Variants in NUP205 observed in about 807,000 individuals in gnomAD.
NUP205 encodes the protein nuclear pore complex protein Nup205.
In NUP205, 76 loss-of-function variants were observed where a neutral mutation model predicts 253.8. The ratio of observed to expected loss-of-function variants is 0.30; its 90% CI spans 0.25 to 0.36. The LOEUF is 0.36. Ranked by LOEUF, NUP205 falls within the 10% of genes least tolerant of loss-of-function variation. The pLI is 1.00. For missense variants in NUP205, 2,162 were observed against 2,425.5 expected (o/e 0.89, Z 2.28); for synonymous variants, 832 against 850.1 (o/e 0.98, Z 0.37).
intron 7 of NUP205, among the ~76,000 whole-genome samples, chr7:135,580,650 A>T (rs1376049738): frequency 2.6e-5 from 4 of 152,138 alleles, no homozygotes; most frequent in Admixed American, 6.5e-5. Context: ...TTTAGTAGAG[A>T]CAGGGTTTCA....
chr7:135,567,835 C>A (rs1441575889), intron 1 of NUP205, among the ~76,000 whole-genome samples: 3 of 152,068 alleles, frequency 2.0e-5, no homozygotes, highest in African/African-American at 7.2e-5. Context: ...CCAGTTTTTC[C>A]TTCAGAGTCT....
chr7:135,648,425 G>C lies in NUP205; in HGVS notation c.5908G>C (p.Ala1970Pro). 6.3e-7 allele frequency: 1 copy of C among 1,592,662 alleles called. No individual in the cohort carries two copies. Among genetic ancestry groups the C allele is most frequent in the South Asian group, 1.2e-5 (1 of 86,850 alleles). Reference protein sequence around the residue: ...LDQLQADAINAFGESLQKKLL... With the variant: ...LDQLQADAINPFGESLQKKLL... ...CTAGCTTCAGGCTGATGCAATCAAC[G>C]CTTTTGGAGAATCACTACAAAAGAA... The change falls in exon 43 of 43, where the codon GCT becomes CCT. Residue 1970 changes from alanine to proline, a missense_variant. By Grantham distance (27) the Ala-to-Pro change is conservative. This residue lies in a region of NUP205 where 1,144 missense variants were observed against 1,280.9 expected (regional missense o/e 0.89). Coordinates refer to ENST00000285968, the MANE Select transcript of NUP205 (RefSeq NM_015135.3).
intron 1 of NUP205, among the ~76,000 whole-genome samples, chr7:135,567,128 GTATA>G (rs1163648935): frequency 1.7e-3 from 12 of 7,242 alleles, no homozygotes; most frequent in African/African-American, 5.9e-3. Context: ...GTCTATGTGT[GTATA>G]TATATATATA....
rs1793889796 is a variant in NUP205, at chr7:135,598,213, G to A, written c.2274+6G>A. On this transcript the variant is annotated splice_donor_region_variant and intron_variant, in intron 15 of 42. Transcript: ENST00000285968. Reference sequence around the variant, plus strand: ...ACCGGAGAGCAGCTGAAAAGGTTATGTTCAGAGAAAAGCTTTTTTCTCCTT... The same window carrying A: ...ACCGGAGAGCAGCTGAAAAGGTTATATTCAGAGAAAAGCTTTTTTCTCCTT... 2 of 1,611,936 alleles carry A rather than the reference G, an allele frequency of 1.2e-6. No homozygotes were observed. The highest frequency in any genetic ancestry group is 2.7e-5 in the African/African-American group (2 of 74,724).
chr7:135,593,647 A>G (rs948200844), intron 12 of NUP205, among the ~76,000 whole-genome samples: 3 of 152,196 alleles, frequency 2.0e-5, no homozygotes, highest in Admixed American at 2.0e-4. Flanking sequence ...ATGACTGTAT[A>G]TAATTTCCCA....
Position 135,607,149 on chromosome 7 carries a change from A to G in NUP205, c.3071-98A>G, listed in dbSNP as rs142549673. 2.6e-4 allele frequency: 366 copies of G among 1,424,788 alleles called. 1 individual carries two copies. In the African/African-American group the frequency reaches 4.4e-3, roughly 17 times the overall value. The allele number at this position is 1,424,788 out of a possible 1,614,324, so 88.3% of individuals were successfully genotyped here. A position where few individuals can be genotyped will look rare whatever the true frequency, so the allele number is the denominator to read the frequency against. Reference sequence around the variant, plus strand: ...GTATTTGAAAGAGTGTTTACAGTACAGCATATATTTAAAGAATTTAACTTT... The same window carrying G: ...GTATTTGAAAGAGTGTTTACAGTACGGCATATATTTAAAGAATTTAACTTT... On this transcript the variant is annotated intron_variant, in intron 21 of 42. Transcript: ENST00000285968.
chr7:135,571,078 G>T (rs115498909), intron 1 of NUP205, 27 bp from the exon 2 acceptor site: 2 of 1,522,406 alleles, frequency 1.3e-6, no homozygotes, highest in South Asian at 1.3e-5. Flanking sequence ...TTTCTTTGAC[G>T]GTGGTTTCAT....
At chr7:135,559,801 C>T (rs1012894826) in intron 1 of NUP205, among the ~76,000 whole-genome samples, 1 of 151,996 alleles carries the variant, frequency 6.6e-6, no homozygotes, top group African/African-American at 2.4e-5. Context: ...GAGCAACTCT[C>T]CTGCCTCAGC....
chr7:135,645,449 A>T lies in NUP205; in HGVS notation c.5684-19A>T. ...ATATTTGATGAGATTATGTTCCTTT[A>T]ATCTGAGCTCTGGTATAGTTATCAT... is the stretch of plus-strand genomic sequence containing the variant. On this transcript the variant is annotated intron_variant, in intron 40 of 42. Coordinates refer to ENST00000285968, the MANE Select transcript of NUP205 (RefSeq NM_015135.3). 6.2e-7 allele frequency: 1 copy of T among 1,607,944 alleles called. No individual in the cohort carries two copies. Among genetic ancestry groups the T allele is most frequent in the Admixed American group, 1.7e-5 (1 of 57,958 alleles).
chr7:135,584,743 T>G, intron 7 of NUP205, 89 bp from the exon 8 acceptor site: 1 of 1,157,678 alleles, frequency 8.6e-7, no homozygotes, highest in Non-Finnish European at 1.3e-6. Context: ...GGAAGATGTC[T>G]GAACCATCAG....
In NUP205 at chr7:135,598,118, C is replaced by T. The variant is rs769928231; in HGVS notation, c.2185C>T (p.Pro729Ser). ...TTCTAATTTGGGTGCTGGACTGCGG[C>T]CCCCTGGCTTTGACCCTTATTTGCA... ...FPSNLGAGLR[P>S]PGFDPYLQFL... The change falls in exon 15 of 43, where the codon CCC becomes TCC. Residue 729 changes from proline to serine, a missense_variant. Around this residue, in one of 5 missense-constraint regions of NUP205, gnomAD observed 892 missense variants for 957.1 expected, o/e 0.93. Transcript: ENST00000285968. 1 of 1,614,040 alleles carries T rather than the reference C, an allele frequency of 6.2e-7. No homozygotes were observed. Among genetic ancestry groups the T allele is most frequent in the East Asian group, 2.2e-5 (1 of 44,880 alleles).
At chr7:135,604,832 G>A (rs904860824) in intron 19 of NUP205, among the ~76,000 whole-genome samples, 1 of 152,204 alleles carries the variant, frequency 6.6e-6, no homozygotes, top group African/African-American at 2.4e-5. Flanking sequence ...ATATTTCGTT[G>A]TTGTAAGTTG....
chr7:135,598,905 C>T (rs1022765482), intron 15 of NUP205: 1 of 152,152 alleles, frequency 6.6e-6, no homozygotes, highest in Non-Finnish European at 1.5e-5. Flanking sequence ...ATGTAAGAGA[C>T]TCTTCCAGGT....
At chr7:135,621,866 G>A (rs1002673141) in intron 30 of NUP205, among the ~76,000 whole-genome samples, 7 of 151,934 alleles carry the variant, frequency 4.6e-5, no homozygotes, top group African/African-American at 1.7e-4. Context: ...ACAGCGGTGC[G>A]ATCTCAGCTC....
Position 135,644,919 on chromosome 7 carries a change from G to A in NUP205, c.5584G>A (p.Gly1862Ser), listed in dbSNP as rs746376190. ...KELCQSVMPA[G>S]VDKISTAQKY... ...GTTGTGTCAGTCTGTGATGCCTGCT[G>A]GTGTTGATAAAATCTCCACTGCTCA... Residue 1862 changes from glycine (G) to serine (S), a missense_variant, in exon 40 of 43, where the codon GGT (glycine) becomes AGT (serine). Around this residue, in one of 5 missense-constraint regions of NUP205, gnomAD observed 1,144 missense variants for 1,280.9 expected, o/e 0.89. Coordinates refer to ENST00000285968, the MANE Select transcript of NUP205 (RefSeq NM_015135.3). 1 of 1,613,968 alleles carries A rather than the reference G, an allele frequency of 6.2e-7. No individual in the cohort carries two copies. The highest frequency in any genetic ancestry group is 8.5e-7 in the Non-Finnish European group (1 of 1,179,900).
intron 1 of NUP205, among the ~76,000 whole-genome samples, chr7:135,564,281 C>G (rs1805683509): frequency 6.8e-6 from 1 of 147,894 alleles, no homozygotes; most frequent in South Asian, 2.1e-4. Context: ...GAGTCTTGCC[C>G]TGTCACCCAG....
chr7:135,632,657 C>T (rs1438673868), intron 35 of NUP205, among the ~76,000 whole-genome samples: 3 of 151,974 alleles, frequency 2.0e-5, no homozygotes, highest in East Asian at 3.9e-4. Context: ...AGGGTCTATT[C>T]CACCCAGCCT....
rs74567006 is a variant in NUP205 at position 135,605,469 on chromosome 7, T to C, written c.2824-676T>C. On this transcript the variant is annotated intron_variant, in intron 19 of 42. Transcript: ENST00000285968. Reference sequence around the variant, plus strand: ...ATCCCTAGATACCACTATCTGTCAGTAGTAACTTCTAGATGTGATTACTTA... The same window carrying C: ...ATCCCTAGATACCACTATCTGTCAGCAGTAACTTCTAGATGTGATTACTTA... Among the ~76,000 whole-genome samples, 844 of 152,342 alleles carry C rather than the reference T, an allele frequency of 5.5e-3. 13 individuals are homozygous for C. Among genetic ancestry groups the C allele is most frequent in the East Asian group, 0.05 (259 of 5,192 alleles).
chr7:135,566,149 C>T (rs1302408008), intron 1 of NUP205, among the ~76,000 whole-genome samples: 1 of 152,038 alleles, frequency 6.6e-6, no homozygotes, highest in African/African-American at 2.4e-5. Context: ...TGCTGTGTTG[C>T]CCAGGCTGGA....
Sources: allele counts gnomAD v4.1 joint callset (sites outside exome capture counted in the v4.1 genomes callset), GRCh38; gene constraint gnomAD v4.1.1; regional missense constraint gnomAD v4.1.1; transcripts MANE v1.5; gene names NCBI Gene and HGNC (gene_info 2026-07-23, HGNC 2026-07-21).